Variants in BRAF observed in about 807,000 individuals in gnomAD.
The protein encoded by BRAF is B-Raf proto-oncogene, serine/threonine kinase.
In BRAF, 16 loss-of-function variants were observed where a neutral mutation model predicts 104.6. The observed-to-expected ratio is 0.15, with a 90% CI of 0.10 to 0.23. BRAF has a LOEUF of 0.23. Among genes scored for constraint, BRAF ranks in the 10% least tolerant of loss-of-function variants. The pLI, the probability that BRAF is intolerant of heterozygous loss-of-function variation, is 1.00. For synonymous variants in BRAF, 310 were observed against 341.6 expected (o/e 0.91, Z 1.02); for missense variants, 541 against 937.3 (o/e 0.58, Z 5.52).
intron 1 of BRAF, among the ~76,000 whole-genome samples, chr7:140,865,554 GCC>G (rs1190564631): frequency 6.6e-6 from 1 of 152,166 alleles, no homozygotes; most frequent in East Asian, 1.9e-4. Context: ...AAATTAGAGA[GCC>G]AAAGGTATTA....
In BRAF at chr7:140,723,903, A is replaced by G. The variant is rs1034604021; in HGVS notation, c.*2591T>C. On this transcript the variant is annotated 3_prime_UTR_variant, in exon 20 of 20. Transcript: ENST00000644969. ...CTAACTGTTGTCTAAGCATCAAAAA[A>G]TAAAGCAGATAAAACACAAATAAAA... 9.6e-7 allele frequency: 1 copy of G among 1,045,062 alleles called. No homozygotes were observed. The allele number at this position is 1,045,062 out of a possible 1,614,324, so 64.7% of individuals were successfully genotyped here.
At chr7:140,779,111 G>A (rs766964663) in intron 12 of BRAF, among the ~76,000 whole-genome samples, 2 of 152,196 alleles carry the variant, frequency 1.3e-5, no homozygotes, top group African/African-American at 2.4e-5. Context: ...GAAAAGGGCC[G>A]ACACAAAAGA....
At chr7:140,847,738 A>G (rs1289991202) in intron 2 of BRAF, among the ~76,000 whole-genome samples, 2 of 152,198 alleles carry the variant, frequency 1.3e-5, no homozygotes, top group African/African-American at 4.8e-5. Context: ...AAGATGTGAT[A>G]TTATTTCCAC....
intron 1 of BRAF, among the ~76,000 whole-genome samples, chr7:140,894,625 T>G (rs899042792): frequency 6.6e-6 from 1 of 151,920 alleles, no homozygotes; most frequent in African/African-American, 2.4e-5. Flanking sequence ...TCTATGAAGG[T>G]AGTAAGAGAA....
intron 2 of BRAF, among the ~76,000 whole-genome samples, chr7:140,838,297 A>C (rs1384456782): frequency 3.3e-5 from 5 of 152,212 alleles, no homozygotes; most frequent in African/African-American, 1.2e-4. Flanking sequence ...CTCAACTTCA[A>C]AATAATTTTG....
intron 1 of BRAF, among the ~76,000 whole-genome samples, chr7:140,897,816 AAAAATC>A (rs1014476529): frequency 5.9e-5 from 9 of 152,196 alleles, no homozygotes; most frequent in Admixed American, 1.3e-4. Context: ...GATTTCTTAA[AAAAATC>A]AAAATCAAAA....
intron 12 of BRAF, 165 bp downstream of exon 11, chr7:140,781,411 T>G: frequency 1.4e-6 from 1 of 703,596 alleles, no homozygotes; most frequent in African/African-American, 1.8e-5. Flanking sequence ...AGTTTTTATT[T>G]CCCATAATTT....
At chr7:140,797,038 T>C (rs1175141035) in intron 7 of BRAF, among the ~76,000 whole-genome samples, 1 of 152,172 alleles carries the variant, frequency 6.6e-6, no homozygotes, top group Non-Finnish European at 1.5e-5. Context: ...CTGGGAAATT[T>C]TTCCACTAAC....
intron 1 of BRAF, among the ~76,000 whole-genome samples, chr7:140,862,069 C>G (rs1056614722): frequency 6.6e-6 from 1 of 152,178 alleles, no homozygotes; most frequent in Non-Finnish European, 1.5e-5. Flanking sequence ...AGAAAAGAAT[C>G]CTAGACCTAT....
chr7:140,803,028 G>T (rs1803291311), intron 5 of BRAF, among the ~76,000 whole-genome samples: 1 of 152,236 alleles, frequency 6.6e-6, no homozygotes, highest in Middle Eastern at 3.4e-3. Context: ...TCTACGTTTA[G>T]ATACACAAAC....
At chr7:140,843,781 G>A (rs940778835) in intron 2 of BRAF, among the ~76,000 whole-genome samples, 39 of 152,068 alleles carry the variant, frequency 2.6e-4, no homozygotes, top group Admixed American at 2.0e-4. Context: ...TGAGGCGGGC[G>A]GATCACGAGG....
chr7:140,913,597 C>T (rs1186448071), intron 1 of BRAF, among the ~76,000 whole-genome samples: 1 of 147,838 alleles, frequency 6.8e-6, no homozygotes, highest in African/African-American at 2.5e-5. Flanking sequence ...ATTCTCTTGC[C>T]TCAGCCTCCA....
intron 14 of BRAF, among the ~76,000 whole-genome samples, chr7:140,767,048 G>T (rs1447816300): frequency 6.6e-6 from 1 of 152,018 alleles, no homozygotes; most frequent in Admixed American, 6.6e-5. Flanking sequence ...CTGTCACCCA[G>T]GCTGGAATGC....
At chr7:140,768,132 G>C (rs773997075) in intron 14 of BRAF, among the ~76,000 whole-genome samples, 1 of 152,088 alleles carries the variant, frequency 6.6e-6, no homozygotes, top group Non-Finnish European at 1.5e-5. Flanking sequence ...ATTCTGAAAG[G>C]ATACACAATA....
intron 1 of BRAF, among the ~76,000 whole-genome samples, chr7:140,864,687 A>T (rs150530985): frequency 3.3e-5 from 5 of 152,376 alleles, no homozygotes; most frequent in African/African-American, 1.2e-4. Context: ...AACACATAAT[A>T]GTGGCTAGAA....
rs968320382 is a variant in BRAF at position 140,726,292 on chromosome 7, C to A, written c.*202G>T. On this transcript the variant is annotated 3_prime_UTR_variant, in exon 20 of 20. Coordinates refer to ENST00000644969, the MANE Select transcript of BRAF (RefSeq NM_001374258.1). ...TCGTGGTATTTTTGTTGAAGAAACA[C>A]TGGCAGCAGAGAATTCTGGTTCCTA... 1.1e-5 allele frequency: 15 copies of A among 1,415,980 alleles called. No individual in the cohort carries two copies. The highest frequency in any genetic ancestry group is 1.4e-5 in the Non-Finnish European group (15 of 1,092,612). 87.7% of individuals were successfully genotyped at this position (1,415,980 alleles called of 1,614,324 possible).
chr7:140,781,500 A>G, intron 12 of BRAF, 76 bp downstream of exon 11: 2 of 1,309,852 alleles, frequency 1.5e-6, no homozygotes, highest in East Asian at 4.6e-5. Context: ...TCCTTTGATG[A>G]TATTTTTTAC....
chr7:140,749,185 A>C (rs1797585673), intron 17 of BRAF, 102 bp downstream of exon 16: 2 of 1,513,548 alleles, frequency 1.3e-6, no homozygotes, highest in African/African-American at 1.4e-5. Context: ...AAAATCAAGA[A>C]ATCTATCCTT....
intron 2 of BRAF, among the ~76,000 whole-genome samples, chr7:140,849,636 C>G (rs1404421841): frequency 5.3e-5 from 8 of 151,498 alleles, no homozygotes; most frequent in Non-Finnish European, 1.2e-4. Context: ...TATGGTGAAA[C>G]CCCATCTCTA....
Sources: gnomAD v4.1 joint callset for allele counts (sites outside exome capture counted in the v4.1 genomes callset) on GRCh38, gnomAD v4.1.1 for gene constraint, MANE v1.5 for transcripts, NCBI Gene and HGNC (gene_info 2026-07-23, HGNC 2026-07-21) for gene names.